The following KIF21A variants were observed in gnomAD, a reference collection of about 807,000 sequenced individuals.
KIF21A encodes the protein kinesin-like protein KIF21A.
In KIF21A, 114 loss-of-function variants were observed where a neutral mutation model predicts 202.9. The observed-to-expected ratio is 0.56, with a 90% CI of 0.48 to 0.66. The LOEUF (loss-of-function observed/expected upper bound fraction) is 0.66. Ranked by LOEUF, KIF21A falls within the 30% of genes least tolerant of loss-of-function variation. The pLI is 0.00. For synonymous variants in KIF21A, 667 were observed against 670.8 expected (o/e 0.99, Z 0.09); for missense variants, 1,677 against 1,994.9 (o/e 0.84, Z 3.04).
intron 1 of KIF21A, among the ~76,000 whole-genome samples, chr12:39,390,858 T>C (rs1951295988): frequency 6.6e-6 from 1 of 152,196 alleles, no homozygotes; most frequent in South Asian, 2.1e-4. Flanking sequence ...GTATTAATTT[T>C]ACAAGTTGAC....
At chr12:39,306,028 G>A (rs1306501180) in intron 34 of KIF21A, among the ~76,000 whole-genome samples, 4 of 152,190 alleles carry the variant, frequency 2.6e-5, no homozygotes, top group Non-Finnish European at 4.4e-5. Flanking sequence ...ACATGAAAAT[G>A]ACCAGCTATG....
At chr12:39,396,589 C>T (rs1040200675) in intron 1 of KIF21A, among the ~76,000 whole-genome samples, 15 of 151,998 alleles carry the variant, frequency 9.9e-5, no homozygotes, top group African/African-American at 2.4e-4. Flanking sequence ...TATATACTTG[C>T]GCACTAAATT....
In KIF21A at chr12:39,346,424, T is replaced by C. The variant is rs752490597; in HGVS notation, c.1712+42A>G. The stretch of plus-strand genomic sequence containing the variant: ...TTTCCTTGTGAATGGCAACTAAGTA[T>C]TTAAACGACATTTTAATAAAAAACC... On this transcript the variant is annotated intron_variant, in intron 12 of 37. Coordinates refer to ENST00000361418, the MANE Select transcript of KIF21A (RefSeq NM_001173464.2). 42 of 1,404,172 alleles carry C rather than the reference T, an allele frequency of 3.0e-5. No individual in the cohort carries two copies. The East Asian group carries it at 9.0e-4, about 30-fold the overall frequency. 87.0% of individuals were successfully genotyped at this position (1,404,172 alleles called of 1,614,324 possible).
intron 1 of KIF21A, among the ~76,000 whole-genome samples, chr12:39,402,857 A>G (rs1952274479): frequency 6.6e-6 from 1 of 152,182 alleles, no homozygotes; most frequent in Non-Finnish European, 1.5e-5. Context: ...AAAAGACTGG[A>G]CACCCTTGCA....
chr12:39,353,752 T>C lies in KIF21A; in HGVS notation c.1470-1772A>G, dbSNP rs112463004. ...TTGGTAGGGGCATATCCAATGAGTC[T>C]TTGATCTAGTGCTGACAAAGGCCTT... is the stretch of plus-strand genomic sequence containing the variant. On this transcript the variant is annotated intron_variant, in intron 10 of 37. Coordinates refer to ENST00000361418, the MANE Select transcript of KIF21A (RefSeq NM_001173464.2). 6.7e-3 allele frequency among the ~76,000 whole-genome samples: 1,021 copies of C among 152,280 alleles called. 13 individuals carry two copies. Among genetic ancestry groups the C allele is most frequent in the African/African-American group, 0.023 (975 of 41,544 alleles).
At chr12:39,380,720 AGAAG>A (rs950596016) in intron 1 of KIF21A, among the ~76,000 whole-genome samples, 2 of 152,116 alleles carry the variant, frequency 1.3e-5, no homozygotes, top group Admixed American at 6.5e-5. Context: ...GAAGAAGGAA[AGAAG>A]GAAGGAAGGA....
At chr12:39,405,050 A>G (rs1218313895) in intron 1 of KIF21A, among the ~76,000 whole-genome samples, 1 of 152,154 alleles carries the variant, frequency 6.6e-6, no homozygotes, top group African/African-American at 2.4e-5. Context: ...AAAGCTATTC[A>G]TGTGGTAAAA....
intron 16 of KIF21A, among the ~76,000 whole-genome samples, chr12:39,339,410 T>A (rs187934526): frequency 1.3e-5 from 2 of 152,252 alleles, no homozygotes; most frequent in Non-Finnish European, 2.9e-5. Flanking sequence ...AGCAACAGGC[T>A]ATACCACATA....
chr12:39,369,677 A>G (rs2139171099), intron 3 of KIF21A, 52 bp downstream of exon 3: 1 of 1,370,214 alleles, frequency 7.3e-7, no homozygotes, highest in Non-Finnish European at 1.0e-6. Context: ...TCATAAACAC[A>G]GTCTATAAGA....
chr12:39,352,489 AT>A (rs1159668348), intron 10 of KIF21A, among the ~76,000 whole-genome samples: 2 of 152,178 alleles, frequency 1.3e-5, no homozygotes, highest in Admixed American at 6.6e-5. Flanking sequence ...ACTCAAAAGA[AT>A]TCTACATATT....
rs531196701 is a variant in KIF21A at position 39,410,841 on chromosome 12, G to C, written c.44+32086C>G. On this transcript the variant is annotated intron_variant, in intron 1 of 37. Transcript: ENST00000361418. ...AACCTCTATATACTGGAAAATAAGAGAGCCCTCTCTCTTTTCCTCCTCCCC... is the reference window on the plus strand; with the variant it reads ...AACCTCTATATACTGGAAAATAAGACAGCCCTCTCTCTTTTCCTCCTCCCC... 4.6e-5 allele frequency among the ~76,000 whole-genome samples: 7 copies of C among 152,118 alleles called. No homozygotes were observed. In the East Asian group the frequency reaches 1.2e-3, roughly 25 times the overall value.
intron 37 of KIF21A, among the ~76,000 whole-genome samples, chr12:39,300,714 A>T (rs1244346970): frequency 6.6e-6 from 1 of 152,076 alleles, no homozygotes; most frequent in Admixed American, 6.6e-5. Context: ...ATATAATGTC[A>T]TTTATATATA....
At position 39,421,225 on chromosome 12, in the gene KIF21A, C is replaced by A. The variant is rs574146220; in HGVS notation, c.44+21702G>T. Among the ~76,000 whole-genome samples the A allele has an allele frequency of 2.6e-5, 4 of 152,272 alleles. No homozygotes were observed. The East Asian group carries it at 7.7e-4, about 29-fold the overall frequency. Reference sequence around the variant, plus strand: ...ACAGGTTTGTAGCCTAGGAGCAATACGCTCTATCATATACCCTAAGTGTGT... The same window carrying A: ...ACAGGTTTGTAGCCTAGGAGCAATAAGCTCTATCATATACCCTAAGTGTGT... On this transcript the variant is annotated intron_variant, in intron 1 of 37. Coordinates refer to ENST00000361418, the MANE Select transcript of KIF21A (RefSeq NM_001173464.2).
chr12:39,318,100 T>C lies in KIF21A; in HGVS notation c.3881A>G (p.Gln1294Arg), dbSNP rs371178638. The stretch of plus-strand genomic sequence containing the variant: ...ATCCTGCTGAACTGATGTGTTTCCC[T>C]GAGAAACAGTAAGACGATTAAAAAC... ...LNVFNRLTVS[Q>R]GNTSVQQDKS... Residue 1294 changes from glutamine to arginine, a missense_variant, in exon 29 of 38, where the codon CAG (glutamine) becomes CGG (arginine). Coordinates refer to ENST00000361418, the MANE Select transcript of KIF21A (RefSeq NM_001173464.2). The C allele has an allele frequency of 1.9e-6, 3 of 1,613,102 alleles. No individual in the cohort carries two copies. The highest frequency in any genetic ancestry group is 2.5e-6 in the Non-Finnish European group (3 of 1,179,172).
intron 33 of KIF21A, 106 bp downstream of exon 33, chr12:39,309,480 C>G: frequency 1.2e-6 from 1 of 814,790 alleles, no homozygotes; most frequent in South Asian, 1.7e-5. Flanking sequence ...GACAGGTATA[C>G]AAAAATTAAA....
rs1046297092 is a variant in KIF21A, at chr12:39,341,109, A to C, written c.1922-15T>G. ...TTGATAATTGGCTATTTATAAAAGA[A>C]GAAAATAAAAATCCTGGTGCTAGGC... On this transcript the variant is annotated splice_polypyrimidine_tract_variant and intron_variant, in intron 14 of 37. Coordinates refer to ENST00000361418, the MANE Select transcript of KIF21A (RefSeq NM_001173464.2). 1 of 1,573,608 alleles carries C rather than the reference A, an allele frequency of 6.4e-7. No homozygotes were observed. Among genetic ancestry groups the C allele is most frequent in the Non-Finnish European group, 8.7e-7 (1 of 1,154,386 alleles).
intron 1 of KIF21A, among the ~76,000 whole-genome samples, chr12:39,377,730 A>G (rs1043787595): frequency 6.6e-6 from 1 of 152,220 alleles, no homozygotes; most frequent in Non-Finnish European, 1.5e-5. Context: ...AACTCCATTA[A>G]AGAGATTATT....
chr12:39,390,149 GA>G (rs1388299170), intron 1 of KIF21A, among the ~76,000 whole-genome samples: 1 of 152,092 alleles, frequency 6.6e-6, no homozygotes, highest in Admixed American at 6.5e-5. Flanking sequence ...AGGTTCTTAG[GA>G]AAATGAGAGA....
At chr12:39,379,966 T>C (rs1300133390) in intron 1 of KIF21A, among the ~76,000 whole-genome samples, 1 of 152,082 alleles carries the variant, frequency 6.6e-6, no homozygotes, top group Non-Finnish European at 1.5e-5. Flanking sequence ...AACAACACTT[T>C]TTGTTTTTTT....
Sources: gnomAD v4.1 joint callset for allele counts (sites outside exome capture counted in the v4.1 genomes callset) on GRCh38, gnomAD v4.1.1 for gene constraint, MANE v1.5 for transcripts, NCBI Gene and HGNC (gene_info 2026-07-23, HGNC 2026-07-21) for gene names.